Variants in MNAT1 observed in about 807,000 individuals in gnomAD.
MNAT1 encodes the protein CDK-activating kinase assembly factor MAT1.
Under a neutral mutation model 42.0 loss-of-function variants are expected in MNAT1, and 43 were observed. That is an observed-to-expected ratio of 1.02 (90% CI 0.80 to 1.32). The LOEUF (loss-of-function observed/expected upper bound fraction) is 1.32. Among genes scored for constraint, MNAT1 ranks in the 40% most tolerant of loss-of-function variants. The pLI is 0.00. For synonymous variants in MNAT1, 118 were observed against 120.0 expected, an observed-to-expected ratio of 0.98 and a Z score of 0.11; for missense variants, 306 against 350.4, an observed-to-expected ratio of 0.87 and a Z score of 1.01.
intron 7 of MNAT1, among the ~76,000 whole-genome samples, chr14:60,932,184 C>G (rs1239282601): frequency 1.3e-5 from 2 of 151,822 alleles, no homozygotes; most frequent in African/African-American, 4.8e-5. Flanking sequence ...TAAGTTTAGT[C>G]TAAAATAAGA....
intron 7 of MNAT1, among the ~76,000 whole-genome samples, chr14:60,901,436 A>G (rs536892563): frequency 1.4e-3 from 217 of 152,312 alleles, no homozygotes; most frequent in African/African-American, 4.3e-3. Flanking sequence ...TGGATCAAGG[A>G]GTAATTTTGA....
At chr14:60,943,046 G>GC (rs2036206735) in intron 7 of MNAT1, among the ~76,000 whole-genome samples, 4 of 68,550 alleles carry the variant, frequency 5.8e-5, no homozygotes, top group Non-Finnish European at 8.2e-5. Context: ...GTGTGTGTGT[G>GC]TGTGCGCTTT....
intron 6 of MNAT1, among the ~76,000 whole-genome samples, chr14:60,827,075 A>G (rs2033077830): frequency 6.6e-6 from 1 of 152,244 alleles, no homozygotes; most frequent in African/African-American, 2.4e-5. Flanking sequence ...AGTCACAAAG[A>G]TAACCTATGG....
At chr14:60,857,140 A>T (rs2033979058) in intron 6 of MNAT1, among the ~76,000 whole-genome samples, 1 of 152,206 alleles carries the variant, frequency 6.6e-6, no homozygotes, top group Non-Finnish European at 1.5e-5. Flanking sequence ...CTCTTCAGAA[A>T]AGATTTCTTT....
chr14:60,899,235 T>A (rs2035025698), intron 7 of MNAT1, among the ~76,000 whole-genome samples: 2 of 152,324 alleles, frequency 1.3e-5, no homozygotes, highest in South Asian at 2.1e-4. Context: ...ATTTCTGTCT[T>A]ATGTTGACAT....
chr14:60,945,266 CTTT>C (rs1241410430), intron 7 of MNAT1, among the ~76,000 whole-genome samples: 1 of 151,572 alleles, frequency 6.6e-6, no homozygotes, highest in African/African-American at 2.4e-5. Flanking sequence ...CTAAATCCAT[CTTT>C]TGAGTCTATA....
chr14:60,755,986 A>G (rs1335073663), intron 1 of MNAT1, among the ~76,000 whole-genome samples: 1 of 152,198 alleles, frequency 6.6e-6, no homozygotes, highest in Non-Finnish European at 1.5e-5. Context: ...TTTGCTGAAC[A>G]TATATAAGTG....
At chr14:60,851,848 A>G (rs752046944) in intron 6 of MNAT1, among the ~76,000 whole-genome samples, 5 of 152,108 alleles carry the variant, frequency 3.3e-5, no homozygotes, top group Non-Finnish European at 5.9e-5. Context: ...GATGGCTTTC[A>G]GCTTCATCCA....
At chr14:60,762,946 C>T (rs4899018) in intron 1 of MNAT1, among the ~76,000 whole-genome samples, 144,233 of 152,214 alleles carry the variant, frequency 0.95, 68,596 homozygotes, top group Non-Finnish European at 0.99. Flanking sequence ...AGTTGTTGTA[C>T]AGAGATAGCT....
chr14:60,966,516 T>G (rs899716320), intron 7 of MNAT1, among the ~76,000 whole-genome samples: 2 of 152,000 alleles, frequency 1.3e-5, no homozygotes, highest in African/African-American at 4.8e-5. Context: ...AAACATTCAT[T>G]CATTAATTTA....
At chr14:60,917,287 AACCCTCATTTT>A (rs757286856) in intron 7 of MNAT1, among the ~76,000 whole-genome samples, 14 of 68,672 alleles carry the variant, frequency 2.0e-4, no homozygotes, top group Non-Finnish European at 4.5e-4. Flanking sequence ...TTCAGTTTCT[AACCCTCATTTT>A]ACCAGGAAAA....
intron 7 of MNAT1, among the ~76,000 whole-genome samples, chr14:60,896,422 A>G (rs2139496586): frequency 6.6e-6 from 1 of 152,286 alleles, no homozygotes; most frequent in African/African-American, 2.4e-5. Flanking sequence ...CTTAATTGAT[A>G]CAAATCATGA....
intron 6 of MNAT1, among the ~76,000 whole-genome samples, chr14:60,872,387 C>T (rs1013541058): frequency 2.0e-5 from 3 of 152,190 alleles, no homozygotes; most frequent in Non-Finnish European, 4.4e-5. Flanking sequence ...ATCCATCCTA[C>T]ATTACTCTTC....
At chr14:60,836,736 G>T (rs2033400414) in intron 6 of MNAT1, among the ~76,000 whole-genome samples, 1 of 152,226 alleles carries the variant, frequency 6.6e-6, no homozygotes, top group African/African-American at 2.4e-5. Flanking sequence ...ACTTGAGGAG[G>T]CAGTCTGTTC....
At chr14:60,925,893 A>C (rs939906195) in intron 7 of MNAT1, among the ~76,000 whole-genome samples, 3 of 152,212 alleles carry the variant, frequency 2.0e-5, no homozygotes, top group African/African-American at 4.8e-5. Flanking sequence ...AAGATCTTTC[A>C]AGAAAAATTA....
rs2032318634 is a variant in MNAT1, at chr14:60,804,817, G to T, written c.317-3508G>T. ...CATAAAGTTTTTGATAAGCATAAAA[G>T]AAATTGCTTATATAAAAACAGATTA... On this transcript the variant is annotated intron_variant, in intron 3 of 7. Transcript: ENST00000261245. Among the ~76,000 whole-genome samples the T allele has an allele frequency of 2.0e-5, 3 of 152,148 alleles. No homozygotes were observed. The South Asian group carries it at 6.2e-4, about 32-fold the overall frequency.
chr14:60,754,805 G>A (rs2030267125), intron 1 of MNAT1, among the ~76,000 whole-genome samples: 1 of 152,142 alleles, frequency 6.6e-6, no homozygotes, highest in Admixed American at 6.5e-5. Context: ...TGTAAGATGT[G>A]ATAATAATTT....
At chr14:60,882,733 T>A (rs1198029413) in intron 7 of MNAT1, among the ~76,000 whole-genome samples, 2 of 152,090 alleles carry the variant, frequency 1.3e-5, no homozygotes, top group African/African-American at 4.8e-5. Context: ...CCACATCCTC[T>A]CCAGTACTCG....
At chr14:60,815,657 T>C (rs538968648) in intron 5 of MNAT1, among the ~76,000 whole-genome samples, 24 of 152,348 alleles carry the variant, frequency 1.6e-4, no homozygotes, top group Non-Finnish European at 3.2e-4. Flanking sequence ...GGAGTTAATA[T>C]TGATTTTTGT....
Sources: allele counts gnomAD v4.1 joint callset (sites outside exome capture counted in the v4.1 genomes callset), GRCh38; gene constraint gnomAD v4.1.1; transcripts MANE v1.5; gene names NCBI Gene and HGNC (gene_info 2026-07-23, HGNC 2026-07-21).